The following PTOV1 variants were observed in gnomAD, a reference collection of about 807,000 sequenced individuals.
PTOV1 encodes PTOV1 extended AT-hook containing adaptor protein.
A neutral mutation model predicts 58.0 loss-of-function variants in PTOV1; 20 were observed. The ratio of observed to expected loss-of-function variants is 0.34; its 90% confidence interval spans 0.24 to 0.50. The LOEUF (loss-of-function observed/expected upper bound fraction) is 0.50, where lower values mean the gene tolerates loss of function less well. PTOV1 is among the 20% of genes least tolerant of loss of function. The pLI is 0.98. For missense variants in PTOV1, 593 were observed against 565.4 expected (o/e 1.05, Z -0.50); for synonymous variants, 335 against 234.2 (o/e 1.43, Z -3.93).
At position 49,857,350 on chromosome 19, in the gene PTOV1, G is replaced by A. The variant is rs571235608; in HGVS notation, c.714+220G>A. On this transcript the variant is annotated intron_variant, in intron 6 of 11. Coordinates refer to ENST00000391842, the Ensembl canonical transcript of PTOV1. ...GCTGGAGGGTGGGTCTTGGCGCGGC[G>A]GCAGGGAAGCCAGCGGAGCGGGGAG... is the stretch of plus-strand genomic sequence containing the variant. The A allele has an allele frequency of 6.3e-5, 42 of 667,274 alleles. 1 individual carries two copies. The highest frequency in any genetic ancestry group is 5.1e-4 in the African/African-American group (28 of 55,126). The allele number at this position is 667,274 out of a possible 1,614,324, so 41.3% of individuals were successfully genotyped here.
chr19:49,857,255 A>T, intron 6 of PTOV1, 125 bp downstream of exon 6: 1 of 1,358,310 alleles, frequency 7.4e-7, no homozygotes, highest in South Asian at 1.3e-5. Flanking sequence ...GCTGCAGGGG[A>T]GCCCGGAGGA....
At chr19:49,850,935 GTTC>G (rs2074214675), upstream of PTOV1, 1 of 1,535,790 alleles carries the variant, frequency 6.5e-7, no homozygotes, top group Non-Finnish European at 8.7e-7. Context: ...TGTCGCCTTC[GTTC>G]TTCTGCCACC....
intron 1 of PTOV1, chr19:49,851,928 G>T: frequency 1.1e-6 from 1 of 897,898 alleles, no homozygotes; most frequent in Non-Finnish European, 1.3e-6. Flanking sequence ...CCCAGATGTC[G>T]CACCCGTGGG....
chr19:49,858,050 C>G lies in PTOV1; in HGVS notation c.879-7C>G, dbSNP rs2074559538. ...CTTCCTGACCCTCGTCCCTTTGTGCCCCACAGGAGGACCGAGCAGTGGCCA... is the reference window on the plus strand; with the variant it reads ...CTTCCTGACCCTCGTCCCTTTGTGCGCCACAGGAGGACCGAGCAGTGGCCA... On this transcript the variant is annotated splice_region_variant and splice_polypyrimidine_tract_variant and intron_variant, in intron 8 of 11. Transcript: ENST00000391842. 2 of 1,614,064 alleles carry G rather than the reference C, an allele frequency of 1.2e-6. No individual in the cohort carries two copies. The highest frequency in any genetic ancestry group is 1.7e-4 in the Middle Eastern group (1 of 6,060).
At position 49,854,893 on chromosome 19, in the gene PTOV1, G is replaced by GGGCCCCCCCC; in HGVS notation, c.450+5_450+6insGGCCCCCCCC. On this transcript the variant is annotated splice_donor_region_variant and intron_variant, in intron 4 of 11. Coordinates refer to ENST00000391842, the Ensembl canonical transcript of PTOV1. ...CTGATCCCTCAGCAGCTGCTGGTGA[G>GGGCCCCCCCC]ACCCGCCCCTCCCACCCCATCCACT... The GGGCCCCCCCC allele has an allele frequency of 6.2e-7, 1 of 1,603,586 alleles. No homozygotes were observed. The highest frequency in any genetic ancestry group is 8.5e-7 in the Non-Finnish European group (1 of 1,173,368).
Position 49,854,883 on chromosome 19 carries a change from C to CT in PTOV1, c.446dup (p.Leu150AlafsTer50). The CT allele has an allele frequency of 6.2e-7, 1 of 1,612,758 alleles. No homozygotes were observed. Among genetic ancestry groups the CT allele is most frequent in the South Asian group, 1.1e-5 (1 of 91,034 alleles). ...GATCATGCAGCTGATCCCTCAGCAG[C>CT]TGCTGGTGAGACCCGCCCCTCCCAC... On this transcript the variant is annotated frameshift_variant, in exon 4 of 12. Coordinates refer to ENST00000391842, the Ensembl canonical transcript of PTOV1. LOFTEE classifies it high-confidence loss of function.
chr19:49,856,573 C>T (rs1162053509), intron 5 of PTOV1: 3 of 216,186 alleles, frequency 1.4e-5, no homozygotes, highest in African/African-American at 6.9e-5. Context: ...TGATGGAGGC[C>T]CAGAAGCAGG....
At chr19:49,857,332 G>C (rs2074517603) in intron 6 of PTOV1, 1 of 726,128 alleles carries the variant, frequency 1.4e-6, no homozygotes, top group Non-Finnish European at 2.2e-6. Context: ...AGGGCTGGAG[G>C]GTGGGTCTTG....
chr19:49,857,233 C>G (rs2074512197), intron 6 of PTOV1, 103 bp downstream of exon 6: 1 of 1,481,322 alleles, frequency 6.8e-7, no homozygotes, highest in African/African-American at 1.4e-5. Flanking sequence ...GATGCGATGG[C>G]TGGAGCAAGG....
rs761288567 is a variant in PTOV1, at chr19:49,854,413, C to G, written c.179C>G (p.Ala60Gly). 5.6e-6 allele frequency: 9 copies of G among 1,609,982 alleles called. No individual in the cohort carries two copies. The highest frequency in any genetic ancestry group is 2.2e-5 in the South Asian group (2 of 90,864). ...TCCCCCACTCCATTGCAGGAAGGTG[C>G]TCGGGTCTTCGGGGCACTGGGTCCC... The change falls in exon 2 of 12, where the codon GCT (alanine) becomes GGT (glycine). Residue 60 changes from alanine to glycine, a missense_variant. Coordinates refer to ENST00000391842, the Ensembl canonical transcript of PTOV1.
rs753450818 is a variant in PTOV1 at position 49,857,096 on chromosome 19, G to C, written c.680G>C (p.Ser227Thr). Residue 227 changes from serine (S) to threonine (T), a missense_variant, in exon 6 of 12, where the codon AGT (serine) becomes ACT (threonine). Coordinates refer to ENST00000391842, the Ensembl canonical transcript of PTOV1. ...CCCTACGACCAGAGCGGCTTCGTCA[G>C]TGCCATCCGGCAGGTCATCACCACC... 25 of 1,613,972 alleles carry C rather than the reference G, an allele frequency of 1.5e-5. No homozygotes were observed. In the African/African-American group the frequency reaches 2.8e-4, roughly 18 times the overall value.
intron 1 of PTOV1, chr19:49,851,821 A>T: frequency 1.0e-6 from 1 of 1,002,004 alleles, no homozygotes; most frequent in Non-Finnish European, 1.2e-6. Context: ...TGTTTTTCCT[A>T]TTGGAGAGTT....
At chr19:49,854,095 G>C (rs1031129831) in intron 1 of PTOV1, among the ~76,000 whole-genome samples, 3 of 152,228 alleles carry the variant, frequency 2.0e-5, no homozygotes, top group African/African-American at 7.2e-5. Context: ...CTCAAGAATC[G>C]ATCAGGCGCA....
chr19:49,856,688 G>A (rs977451711), intron 5 of PTOV1: 7 of 418,100 alleles, frequency 1.7e-5, no homozygotes, highest in East Asian at 4.3e-5. Context: ...AGTCAGGAGG[G>A]CTGGCGGCAG....
intron 1 of PTOV1, 89 bp downstream of exon 1, chr19:49,851,588 C>G: frequency 9.7e-7 from 1 of 1,030,640 alleles, no homozygotes; most frequent in Non-Finnish European, 1.2e-6. Context: ...GCAGCCCCCG[C>G]CGCTCCGGGG....
intron 5 of PTOV1, 196 bp from the exon 6 acceptor site, chr19:49,856,779 A>G (rs1363458343): frequency 3.2e-6 from 2 of 634,364 alleles, no homozygotes; most frequent in Non-Finnish European, 5.3e-6. Flanking sequence ...GACCTCAGCC[A>G]TGGCAGGGTC....
intron 10 of PTOV1, among the ~76,000 whole-genome samples, chr19:49,859,572 CAAA>C (rs113785990): frequency 1.6e-4 from 20 of 127,712 alleles, no homozygotes; most frequent in East Asian, 1.5e-3. Flanking sequence ...AACTCAGTCT[CAAA>C]AAAAAAAAAA....
At chr19:49,853,162 T>A (rs1382867548) in intron 1 of PTOV1, 1 of 152,236 alleles carries the variant, frequency 6.6e-6, no homozygotes, top group Non-Finnish European at 1.5e-5. Flanking sequence ...TTGCTAGTAT[T>A]CTGGAAGGAA....
chr19:49,850,759 C>G (rs186351102), upstream of PTOV1: 5 of 1,257,750 alleles, frequency 4.0e-6, no homozygotes, highest in East Asian at 1.3e-4. Flanking sequence ...CGGGTGCAAT[C>G]CGTACCCTCA....
Sources: allele counts gnomAD v4.1 joint callset (sites outside exome capture counted in the v4.1 genomes callset), GRCh38; gene constraint gnomAD v4.1.1; transcripts MANE v1.5; gene names NCBI Gene and HGNC (gene_info 2026-07-23, HGNC 2026-07-21).